ZBTB20: variants seen among roughly 807,000 people sequenced by gnomAD.
ZBTB20 encodes zinc finger and BTB domain containing 20.
A neutral mutation model predicts 56.9 loss-of-function variants in ZBTB20; 9 were observed. The observed-to-expected ratio is 0.16, with a 90% CI of 0.10 to 0.28. ZBTB20 has a LOEUF of 0.28. Ranked by LOEUF, ZBTB20 falls within the 10% of genes least tolerant of loss-of-function variation. The pLI is 1.00. For synonymous variants in ZBTB20, 417 were observed against 420.7 expected, an observed-to-expected ratio of 0.99 and a Z score of 0.11; for missense variants, 655 against 1,003.0, an observed-to-expected ratio of 0.65 and a Z score of 4.69.
chr3:114,985,519 T>C (rs950659583), intron 2 of ZBTB20, among the ~76,000 whole-genome samples: 2 of 152,132 alleles, frequency 1.3e-5, no homozygotes, highest in Admixed American at 6.6e-5. Flanking sequence ...TCTCAGCTAT[T>C]GTTTCCTTCA....
intron 3 of ZBTB20, among the ~76,000 whole-genome samples, chr3:114,946,275 C>A (rs2076884213): frequency 6.9e-6 from 1 of 145,552 alleles, no homozygotes; most frequent in African/African-American, 2.8e-5. Flanking sequence ...TATAGCAAGC[C>A]TCAATAAATT....
chr3:114,515,976 T>A (rs1482047053), intron 6 of ZBTB20, among the ~76,000 whole-genome samples: 1 of 151,954 alleles, frequency 6.6e-6, no homozygotes, highest in Non-Finnish European at 1.5e-5. Context: ...TACAATCTGG[T>A]TTCTCTAGCT....
intron 5 of ZBTB20, among the ~76,000 whole-genome samples, chr3:114,776,965 T>G (rs181371253): frequency 1.1e-3 from 168 of 152,338 alleles, no homozygotes; most frequent in Admixed American, 9.0e-3. Context: ...TATTTTCCAT[T>G]TAAGTTAATG....
intron 2 of ZBTB20, among the ~76,000 whole-genome samples, chr3:115,055,187 A>ATATCTCTCTCTCTC (rs374725671): frequency 5.8e-5 from 6 of 103,142 alleles, no homozygotes; most frequent in African/African-American, 2.4e-4. Context: ...CCTCCTGGTA[A>ATATCTCTCTCTCTC]TCTCTCTCTC....
At chr3:115,014,573 A>T (rs1056132856) in intron 2 of ZBTB20, among the ~76,000 whole-genome samples, 1 of 150,820 alleles carries the variant, frequency 6.6e-6, no homozygotes, top group African/African-American at 2.4e-5. Context: ...CAAAAATTAA[A>T]AATAAAAATA....
At chr3:115,084,179 G>A (rs1042330277) in intron 1 of ZBTB20, among the ~76,000 whole-genome samples, 4 of 149,592 alleles carry the variant, frequency 2.7e-5, no homozygotes, top group South Asian at 2.1e-4. Flanking sequence ...TCATCCTTAC[G>A]ATGTTTACAT....
intron 6 of ZBTB20, among the ~76,000 whole-genome samples, chr3:114,657,674 A>G (rs932697402): frequency 3.3e-5 from 5 of 152,178 alleles, no homozygotes; most frequent in Non-Finnish European, 5.9e-5. Context: ...TAACTTCTCT[A>G]TACCATACAG....
intron 6 of ZBTB20, among the ~76,000 whole-genome samples, chr3:114,548,006 C>T (rs2050103111): frequency 6.6e-6 from 1 of 152,134 alleles, no homozygotes; most frequent in African/African-American, 2.4e-5. Flanking sequence ...TGGATATCTT[C>T]CTTTTCCTAA....
intron 1 of ZBTB20, among the ~76,000 whole-genome samples, chr3:115,111,134 A>G (rs536642353): frequency 2.6e-5 from 4 of 152,190 alleles, no homozygotes; most frequent in African/African-American, 7.2e-5. Context: ...GTACTACTCT[A>G]TTTCAAACCG....
chr3:114,754,235 A>T (rs2067828665), intron 5 of ZBTB20, among the ~76,000 whole-genome samples: 1 of 152,150 alleles, frequency 6.6e-6, no homozygotes, highest in African/African-American at 2.4e-5. Flanking sequence ...AGGGAAGGGG[A>T]GAAAGAGACA....
intron 7 of ZBTB20, among the ~76,000 whole-genome samples, chr3:114,460,179 T>C (rs1205564846): frequency 1.3e-5 from 2 of 152,134 alleles, no homozygotes; most frequent in African/African-American, 4.8e-5. Context: ...CCCTCTTTTT[T>C]GGACATATTT....
At chr3:114,466,596 A>T (rs2092563567) in intron 7 of ZBTB20, among the ~76,000 whole-genome samples, 1 of 152,252 alleles carries the variant, frequency 6.6e-6, no homozygotes, top group African/African-American at 2.4e-5. Flanking sequence ...TGTACAAGAG[A>T]ACGTCCCAAA....
At chr3:114,700,162 T>C (rs2063307455) in intron 5 of ZBTB20, among the ~76,000 whole-genome samples, 1 of 152,068 alleles carries the variant, frequency 6.6e-6, no homozygotes, top group African/African-American at 2.4e-5. Flanking sequence ...TCCTCTCACT[T>C]GTACTCTGTG....
At chr3:114,510,159 T>C (rs574226316) in intron 6 of ZBTB20, among the ~76,000 whole-genome samples, 22 of 152,260 alleles carry the variant, frequency 1.4e-4, no homozygotes, top group African/African-American at 5.1e-4. Context: ...GAGAAAGACA[T>C]GATTTTAAAA....
intron 7 of ZBTB20, among the ~76,000 whole-genome samples, chr3:114,399,986 G>C (rs73241523): frequency 0.11 from 17,417 of 152,086 alleles, 1,078 homozygotes; most frequent in South Asian, 0.16. Flanking sequence ...GGGGTGAAGA[G>C]GAAGGAAAGG....
chr3:114,511,211 G>C (rs1462351406), intron 6 of ZBTB20, among the ~76,000 whole-genome samples: 1 of 152,014 alleles, frequency 6.6e-6, no homozygotes, highest in African/African-American at 2.4e-5. Context: ...GTAAGGCTCT[G>C]CTAAGAATCT....
chr3:114,452,440 G>T (rs1215320895), intron 7 of ZBTB20, among the ~76,000 whole-genome samples: 1 of 152,160 alleles, frequency 6.6e-6, no homozygotes, highest in African/African-American at 2.4e-5. Flanking sequence ...ATATCTTTCA[G>T]TGAGTTCAAG....
At chr3:114,725,652 C>T (rs746692373) in intron 5 of ZBTB20, among the ~76,000 whole-genome samples, 2 of 152,132 alleles carry the variant, frequency 1.3e-5, no homozygotes, top group African/African-American at 2.4e-5. Context: ...TCCCAATCAG[C>T]GAAATCCCAG....
At chr3:114,492,031 T>A (rs907670127) in intron 7 of ZBTB20, among the ~76,000 whole-genome samples, 1 of 152,232 alleles carries the variant, frequency 6.6e-6, no homozygotes, top group African/African-American at 2.4e-5. Flanking sequence ...GGCACTCTCT[T>A]GGCTTCTGTG....
Sources: allele counts gnomAD v4.1 joint callset (sites outside exome capture counted in the v4.1 genomes callset), GRCh38; gene constraint gnomAD v4.1.1; transcripts MANE v1.5; gene names NCBI Gene and HGNC (gene_info 2026-07-23, HGNC 2026-07-21).